Variants in SF3B6 observed in about 807,000 individuals in gnomAD.
SF3B6 encodes the protein splicing factor 3b subunit 6.
SF3B6 carries 3 observed loss-of-function variants against 15.9 expected under a neutral mutation model. The observed-to-expected ratio is 0.19, with a 90% CI of 0.09 to 0.49. The LOEUF (loss-of-function observed/expected upper bound fraction) is 0.49. SF3B6 is among the 20% of genes least tolerant of loss of function. The pLI is 0.97. For missense variants in SF3B6, 71 were observed against 154.3 expected, an observed-to-expected ratio of 0.46 and a Z score of 2.86; for synonymous variants, 49 against 51.1, an observed-to-expected ratio of 0.96 and a Z score of 0.18.
intron 2 of SF3B6, chr2:24,073,618 T>C (rs1356430735): frequency 2.0e-5 from 3 of 152,438 alleles, no homozygotes; most frequent in Non-Finnish European, 4.4e-5. Context: ...GTTGAAAATA[T>C]CATTTTTTTC....
chr2:24,071,085 C>T (rs1180446222), intron 2 of SF3B6, among the ~76,000 whole-genome samples: 3 of 152,056 alleles, frequency 2.0e-5, no homozygotes, highest in Non-Finnish European at 4.4e-5. Context: ...CTCCACCTCC[C>T]GGGTTCAAGC....
intron 1 of SF3B6, among the ~76,000 whole-genome samples, chr2:24,075,604 C>A (rs1181828941): frequency 6.6e-6 from 1 of 150,892 alleles, no homozygotes; most frequent in African/African-American, 2.4e-5. Context: ...TAAAAGTTTC[C>A]GTAACACTGT....
At chr2:24,075,976 C>T (rs914518258) in intron 1 of SF3B6, among the ~76,000 whole-genome samples, 1 of 151,974 alleles carries the variant, frequency 6.6e-6, no homozygotes, top group Non-Finnish European at 1.5e-5. Flanking sequence ...CTATCACTGA[C>T]ACTAGGGTAG....
At chr2:24,075,978 C>G (rs1168229075) in intron 1 of SF3B6, among the ~76,000 whole-genome samples, 1 of 152,006 alleles carries the variant, frequency 6.6e-6, no homozygotes, top group Non-Finnish European at 1.5e-5. Flanking sequence ...ATCACTGACA[C>G]TAGGGTAGAG....
intron 1 of SF3B6, among the ~76,000 whole-genome samples, chr2:24,074,485 C>A (rs185717735): frequency 6.6e-6 from 1 of 151,886 alleles, no homozygotes; most frequent in Non-Finnish European, 1.5e-5. Flanking sequence ...TAGTGAGACC[C>A]CCATCTCTAC....
chr2:24,074,751 C>T (rs1664704859), intron 1 of SF3B6, among the ~76,000 whole-genome samples: 1 of 152,198 alleles, frequency 6.6e-6, no homozygotes, highest in African/African-American at 2.4e-5. Context: ...CTCAACCTAT[C>T]TTTCTTCCAT....
chr2:24,068,388 C>T lies in SF3B6; in HGVS notation c.221G>A (p.Cys74Tyr). The T allele has an allele frequency of 6.2e-7, 1 of 1,614,128 alleles. No individual in the cohort carries two copies. Among genetic ancestry groups the T allele is most frequent in the Non-Finnish European group, 8.5e-7 (1 of 1,179,960 alleles). ...AACATTGAATCCCGATAGGTGATCA[C>T]ATGCATTCTTGGCATCAAAGATGTC... ...YEDIFDAKNA[C>Y]DHLSGFNVCN... Residue 74 changes from cysteine (C) to tyrosine (Y), a missense_variant, in exon 3 of 4, where the codon TGT (cysteine) becomes TAT (tyrosine). Transcript: ENST00000233468.
At chr2:24,069,814 G>C (rs954377997) in intron 2 of SF3B6, among the ~76,000 whole-genome samples, 3 of 152,192 alleles carry the variant, frequency 2.0e-5, no homozygotes, top group Non-Finnish European at 2.9e-5. Flanking sequence ...AGGGGTTTTA[G>C]AATGTTCTTT....
At chr2:24,073,360 T>C (rs968422950) in intron 2 of SF3B6, among the ~76,000 whole-genome samples, 2 of 152,234 alleles carry the variant, frequency 1.3e-5, no homozygotes, top group Admixed American at 1.3e-4. Context: ...CTGTGTAATG[T>C]AGAGGTTCAA....
intron 2 of SF3B6, among the ~76,000 whole-genome samples, chr2:24,072,550 G>A (rs942345225): frequency 3.3e-5 from 5 of 152,050 alleles, no homozygotes; most frequent in African/African-American, 9.7e-5. Flanking sequence ...CACAGACACT[G>A]TGTAATTTCA....
Position 24,068,423 on chromosome 2 carries a change from C to T in SF3B6, c.186G>A (p.Val62=). 6.2e-7 allele frequency: 1 copy of T among 1,613,880 alleles called. No individual in the cohort carries two copies. The highest frequency in any genetic ancestry group is 8.5e-7 in the Non-Finnish European group (1 of 1,179,950). The change falls in exon 3 of 4, where the codon GTG becomes GTA. Residue 62 remains valine (V), a synonymous_variant. Transcript: ENST00000233468. ...TGGCATCAAAGATGTCCTCATAGAC[C>T]ACATAAGCTGTTCCTCTAGTTTCAG... The part of the protein sequence containing the change: ...NTPETRGTAY[V]VYEDIFDAKN...
intron 2 of SF3B6, among the ~76,000 whole-genome samples, chr2:24,071,779 T>TA (rs1209727667): frequency 1.3e-5 from 2 of 152,146 alleles, no homozygotes; most frequent in Non-Finnish European, 1.5e-5. Flanking sequence ...CCATTCCAGA[T>TA]ACAAGGAAAA....
At chr2:24,076,081 T>C (rs1424608157) in intron 1 of SF3B6, 119 bp downstream of exon 1, 14 of 1,290,072 alleles carry the variant, frequency 1.1e-5, no homozygotes, top group African/African-American at 4.4e-5. Context: ...GCTGACAGGA[T>C]AGGAATTCTG....
intron 2 of SF3B6, among the ~76,000 whole-genome samples, chr2:24,071,176 A>G (rs1664646636): frequency 6.6e-6 from 1 of 151,908 alleles, no homozygotes; most frequent in Admixed American, 6.6e-5. Context: ...TATTTTTAGT[A>G]GAGACGAGGT....
intron 2 of SF3B6, among the ~76,000 whole-genome samples, chr2:24,070,293 G>A (rs1198725227): frequency 2.0e-5 from 3 of 152,258 alleles, no homozygotes; most frequent in East Asian, 1.9e-4. Context: ...GCAGGTGTGC[G>A]CCACCATGCC....
In SF3B6 at chr2:24,067,679, A is replaced by G. The variant is rs1290192635; in HGVS notation, c.*83T>C. 1.8e-6 allele frequency: 2 copies of G among 1,090,924 alleles called. No homozygotes were observed. The highest frequency in any genetic ancestry group is 1.6e-5 in the African/African-American group (1 of 63,346). The allele number at this position is 1,090,924 out of a possible 1,614,324, so 67.6% of individuals were successfully genotyped here. On this transcript the variant is annotated 3_prime_UTR_variant, in exon 4 of 4. Transcript: ENST00000233468. ...TTTTGAACCTCAAATAAGAAATCAC[A>G]ATATTTAGTATTAATTAAAAAGGAA...
intron 3 of SF3B6, 71 bp downstream of exon 3, chr2:24,068,250 A>C: frequency 2.7e-6 from 4 of 1,490,804 alleles, no homozygotes; most frequent in Non-Finnish European, 3.6e-6. Context: ...GGCATGAGCC[A>C]CCGCGCCCGG....
intron 3 of SF3B6, 29 bp downstream of exon 3, chr2:24,068,292 C>T: frequency 6.3e-7 from 1 of 1,597,070 alleles, no homozygotes; most frequent in East Asian, 2.2e-5. Context: ...AATGAGATCA[C>T]TACACAATGA....
chr2:24,076,078 G>C, intron 1 of SF3B6, 122 bp downstream of exon 1: 1 of 1,267,880 alleles, frequency 7.9e-7, no homozygotes, highest in South Asian at 1.2e-5. Context: ...TTCGCTGACA[G>C]GATAGGAATT....
Sources: allele counts gnomAD v4.1 joint callset (sites outside exome capture counted in the v4.1 genomes callset), GRCh38; gene constraint gnomAD v4.1.1; transcripts MANE v1.5; gene names NCBI Gene and HGNC (gene_info 2026-07-23, HGNC 2026-07-21).